The following DBNDD1 variants were observed in gnomAD, a reference collection of about 807,000 sequenced individuals.
The protein encoded by DBNDD1 is dysbindin domain-containing protein 1.
Under a neutral mutation model 17.0 loss-of-function variants are expected in DBNDD1, and 14 were observed. That is an observed-to-expected ratio of 0.82 (90% CI 0.54 to 1.29). DBNDD1 has a LOEUF of 1.29. Among genes scored for constraint, DBNDD1 ranks in the 50% most tolerant of loss-of-function variants. The probability of loss-of-function intolerance (pLI) is 0.00; values close to 1 mark genes in which losing one functional copy is unlikely to be tolerated. For missense variants in DBNDD1, 221 were observed against 216.2 expected (o/e 1.02, Z -0.14); for synonymous variants, 105 against 102.0 (o/e 1.03, Z -0.18).
At chr16:90,009,089 T>A in intron 2 of DBNDD1, 165 bp from the exon 3 acceptor site, 1 of 1,205,992 alleles carries the variant, frequency 8.3e-7, no homozygotes, top group Non-Finnish European at 1.1e-6. Flanking sequence ...TTGCGTATAC[T>A]CATGACTAGA....
At position 90,009,265 on chromosome 16, in the gene DBNDD1, G is replaced by A; in HGVS notation, c.178+19C>T. 1 of 1,612,020 alleles carries A rather than the reference G, an allele frequency of 6.2e-7. No individual in the cohort carries two copies. Among genetic ancestry groups the A allele is most frequent in the Non-Finnish European group, 8.5e-7 (1 of 1,179,664 alleles). On this transcript the variant is annotated intron_variant, in intron 2 of 3. Coordinates refer to ENST00000002501, the MANE Select transcript of DBNDD1 (RefSeq NM_001042610.3). ...CACGGGGTCCCCATAGCGTGCGCTG[G>A]GCAGGGAGCAGTACTTACGCCTCCT...
At chr16:90,017,117 G>A (rs1365618723) in intron 1 of DBNDD1, among the ~76,000 whole-genome samples, 3 of 152,234 alleles carry the variant, frequency 2.0e-5, no homozygotes, top group South Asian at 2.1e-4. Context: ...CTGTGCACAC[G>A]TGCACCTCCG....
At chr16:90,019,655 G>T (rs144274036), upstream of DBNDD1, 1,858 of 438,894 alleles carry the variant, frequency 4.2e-3, 26 homozygotes, top group African/African-American at 0.036. The surrounding 1 kb of genome is among the most constrained non-coding windows in gnomAD (Gnocchi z 6.1). Context: ...GCCGCGCCCC[G>T]CCGCGGACAC....
intron 1 of DBNDD1, chr16:90,010,158 G>T (rs1342027264): frequency 1.5e-5 from 15 of 972,784 alleles, no homozygotes; most frequent in African/African-American, 3.3e-5. Context: ...CGATTCTCCT[G>T]CCTCATCCCC....
chr16:90,017,565 G>C (rs2035661545), intron 1 of DBNDD1, among the ~76,000 whole-genome samples: 1 of 152,224 alleles, frequency 6.6e-6, no homozygotes, highest in Non-Finnish European at 1.5e-5. Flanking sequence ...GTCTAGATTT[G>C]GTTCAAACCA....
chr16:90,014,274 G>A (rs1435347618), intron 1 of DBNDD1, among the ~76,000 whole-genome samples: 4 of 151,992 alleles, frequency 2.6e-5, no homozygotes, highest in Non-Finnish European at 5.9e-5. Context: ...TTACAGGCGT[G>A]CGCCACCATG....
chr16:90,009,023 G>C, intron 2 of DBNDD1, 99 bp from the exon 3 acceptor site: 3 of 1,415,452 alleles, frequency 2.1e-6, no homozygotes, highest in Non-Finnish European at 2.8e-6. Context: ...CTCCCACAAG[G>C]CTGTGGGTGA....
At chr16:90,013,281 A>AAAAAAAAAAAAAAAAAAAAAAAAAC (rs2035588279) in intron 1 of DBNDD1, among the ~76,000 whole-genome samples, 5 of 149,936 alleles carry the variant, frequency 3.3e-5, no homozygotes, top group Non-Finnish European at 7.4e-5. Flanking sequence ...AAAAAAAAAA[A>AAAAAAAAAAAAAAAAAAAAAAAAAC]AAGACAGTGG....
In DBNDD1 at chr16:90,009,374, T is replaced by G; in HGVS notation, c.88A>C (p.Thr30Pro). 6.2e-7 allele frequency: 1 copy of G among 1,613,304 alleles called. No homozygotes were observed. Among genetic ancestry groups the G allele is most frequent in the South Asian group, 1.1e-5 (1 of 91,088 alleles). ...QAALGVPAQG[T>P]GDNGHTPVEE... is the part of the protein sequence containing the mutation. ...ACAGGCGTGTGGCCATTGTCCCCTG[T>G]CCCCTGGGCTGGGACGCCCAGCGCA... is the stretch of plus-strand genomic sequence containing the variant. Residue 30 changes from threonine to proline, a missense_variant, in exon 2 of 4, where the codon ACA becomes CCA. Thr to Pro is a conservative substitution (Grantham distance 38). Transcript: ENST00000002501.
At chr16:90,015,975 T>G (rs2035635467) in intron 1 of DBNDD1, among the ~76,000 whole-genome samples, 1 of 152,214 alleles carries the variant, frequency 6.6e-6, no homozygotes. Flanking sequence ...TTGTACACTT[T>G]AAAAGGGTGA....
intron 1 of DBNDD1, chr16:90,009,946 A>G: frequency 6.2e-7 from 1 of 1,612,382 alleles, no homozygotes; most frequent in Non-Finnish European, 8.5e-7. Flanking sequence ...CATTAAATGA[A>G]AGTTACAAAC....
chr16:90,009,395 G>C lies in DBNDD1; in HGVS notation c.67C>G (p.Leu23Val). 6.2e-7 allele frequency: 1 copy of C among 1,612,822 alleles called. No individual in the cohort carries two copies. Among genetic ancestry groups the C allele is most frequent in the Middle Eastern group, 1.6e-4 (1 of 6,062 alleles). The change falls in exon 2 of 4, where the codon CTG becomes GTG. Residue 23 changes from leucine (L) to valine (V), a missense_variant. Coordinates refer to ENST00000002501, the MANE Select transcript of DBNDD1 (RefSeq NM_001042610.3). ...CCTGTCCCCTGGGCTGGGACGCCCA[G>C]CGCAGCCTGCGGCACCTCAGCCTCC... ...VKEAEVPQAA[L>V]GVPAQGTGDN...
chr16:90,019,672 G>T, upstream of DBNDD1: 1 of 531,548 alleles, frequency 1.9e-6, no homozygotes, highest in Non-Finnish European at 3.3e-6. The surrounding 1 kb of genome is among the most constrained non-coding windows in gnomAD (Gnocchi z 6.1). Context: ...ACACCACCGG[G>T]ACCTGGCTGC....
Position 90,019,423 on chromosome 16 carries a change from G to T in DBNDD1, c.-82C>A. 2.2e-6 allele frequency: 2 copies of T among 893,094 alleles called. No individual in the cohort carries two copies. The highest frequency in any genetic ancestry group is 2.9e-6 in the Non-Finnish European group (2 of 700,134). 55.3% of individuals were successfully genotyped at this position (893,094 alleles called of 1,614,324 possible). On this transcript the variant is annotated 5_prime_UTR_variant, in exon 1 of 4. Transcript: ENST00000002501. The surrounding 1 kb of genome is among the most constrained non-coding windows in gnomAD (Gnocchi z 6.1). Reference sequence around the variant, plus strand: ...GCCCCAACAGCTGCGGCAGCGACTCGGCCCCGGCTCCGGGCGCAGCGCATC... The same window carrying T: ...GCCCCAACAGCTGCGGCAGCGACTCTGCCCCGGCTCCGGGCGCAGCGCATC...
Position 90,009,373 on chromosome 16 carries a change from G to C in DBNDD1, c.89C>G (p.Thr30Arg). The stretch of plus-strand genomic sequence containing the variant: ...CACAGGCGTGTGGCCATTGTCCCCT[G>C]TCCCCTGGGCTGGGACGCCCAGCGC... ...QAALGVPAQGTGDNGHTPVEE... is the reference protein window; with the variant it reads ...QAALGVPAQGRGDNGHTPVEE... The change falls in exon 2 of 4, where the codon ACA becomes AGA. Residue 30 changes from threonine (T) to arginine (R), a missense_variant. Physicochemically the swap from Thr to Arg is moderately conservative, Grantham distance 71. Coordinates refer to ENST00000002501, the MANE Select transcript of DBNDD1 (RefSeq NM_001042610.3). The C allele has an allele frequency of 6.2e-7, 1 of 1,613,392 alleles. No individual in the cohort carries two copies. The highest frequency in any genetic ancestry group is 8.5e-7 in the Non-Finnish European group (1 of 1,180,012).
At chr16:90,018,431 T>C (rs2035685251) in intron 1 of DBNDD1, among the ~76,000 whole-genome samples, 1 of 152,190 alleles carries the variant, frequency 6.6e-6, no homozygotes, top group Admixed American at 6.5e-5. Context: ...GAGGTTCCCA[T>C]GTAGTTCCAG....
chr16:90,018,398 A>G (rs2035684103), intron 1 of DBNDD1, among the ~76,000 whole-genome samples: 1 of 152,202 alleles, frequency 6.6e-6, no homozygotes, highest in Admixed American at 6.5e-5. Context: ...AGAGGATGCC[A>G]CTGTGTGCGG....
chr16:90,016,579 C>G (rs1446163441), intron 1 of DBNDD1, among the ~76,000 whole-genome samples: 2 of 152,164 alleles, frequency 1.3e-5, no homozygotes. Context: ...CCTGCAGGGG[C>G]TGCTGGTGCC....
intron 3 of DBNDD1, chr16:90,007,386 G>A (rs1264396641): frequency 6.6e-6 from 1 of 152,396 alleles, no homozygotes; most frequent in Non-Finnish European, 1.5e-5. Context: ...GAGAAGGCTC[G>A]GCCCTGATGC....
Sources: gnomAD v4.1 joint callset for allele counts (sites outside exome capture counted in the v4.1 genomes callset) on GRCh38, gnomAD v4.1.1 for gene constraint, Gnocchi (gnomAD v3.1) non-coding constraint, MANE v1.5 for transcripts, NCBI Gene and HGNC (gene_info 2026-07-23, HGNC 2026-07-21) for gene names.